MNAT1: variants seen among roughly 807,000 people sequenced by gnomAD.
The protein encoded by MNAT1 is MNAT1 component of CDK activating kinase, also known as CDK-activating kinase assembly factor MAT1.
MNAT1 carries 43 observed loss-of-function variants against 42.0 expected under a neutral mutation model. The ratio of observed to expected loss-of-function variants is 1.02; its 90% CI spans 0.80 to 1.32. The LOEUF (loss-of-function observed/expected upper bound fraction) is 1.32. Ranked by LOEUF, MNAT1 falls within the 40% of genes most tolerant of loss-of-function variation. MNAT1 has a pLI of 0.00. For missense variants in MNAT1, 306 were observed against 350.4 expected (o/e 0.87, Z 1.01); for synonymous variants, 118 against 120.0 (o/e 0.98, Z 0.11).
chr14:60,930,205 C>CTTTAT (rs1566563584), intron 7 of MNAT1, among the ~76,000 whole-genome samples: 1 of 76,914 alleles, frequency 1.3e-5, no homozygotes, highest in Non-Finnish European at 2.7e-5. Context: ...CTTCTTCCGT[C>CTTTAT]TTTATTATTA....
intron 7 of MNAT1, among the ~76,000 whole-genome samples, chr14:60,965,649 G>A (rs1353992524): frequency 6.6e-6 from 1 of 152,206 alleles, no homozygotes; most frequent in Non-Finnish European, 1.5e-5. Flanking sequence ...TTGTATTACA[G>A]CTATGAAAAC....
chr14:60,787,489 G>A (rs1230183252), intron 1 of MNAT1, among the ~76,000 whole-genome samples: 1 of 152,096 alleles, frequency 6.6e-6, no homozygotes, highest in Non-Finnish European at 1.5e-5. Context: ...TGAAGGTTGG[G>A]GTGGCCTTGG....
At position 60,855,148 on chromosome 14, in the gene MNAT1, C is replaced by T. The variant is rs184207300; in HGVS notation, c.688-24566C>T. Among the ~76,000 whole-genome samples the T allele has an allele frequency of 1.9e-4, 29 of 152,308 alleles. No individual in the cohort carries two copies. In the East Asian group the frequency reaches 5.2e-3, roughly 27 times the overall value. ...CCACCTACTAAAGCCACAGTAATGG[C>T]AGATACCTCTCCCCGCACCAAGCTC... On this transcript the variant is annotated intron_variant, in intron 6 of 7. Transcript: ENST00000261245.
chr14:60,757,034 C>A (rs1388589684), intron 1 of MNAT1, among the ~76,000 whole-genome samples: 1 of 152,158 alleles, frequency 6.6e-6, no homozygotes, highest in Non-Finnish European at 1.5e-5. Context: ...AAGTGACTGG[C>A]TCTCACATTT....
At chr14:60,945,487 T>C (rs2036253191) in intron 7 of MNAT1, among the ~76,000 whole-genome samples, 1 of 152,316 alleles carries the variant, frequency 6.6e-6, no homozygotes, top group Non-Finnish European at 1.5e-5. Context: ...AGTCTCAAAG[T>C]TGAATAAATC....
At chr14:60,853,805 A>G (rs904574068) in intron 6 of MNAT1, among the ~76,000 whole-genome samples, 5 of 152,260 alleles carry the variant, frequency 3.3e-5, no homozygotes, top group Non-Finnish European at 7.4e-5. Flanking sequence ...TGAGAAAATC[A>G]TGTGTTTTTT....
intron 7 of MNAT1, among the ~76,000 whole-genome samples, chr14:60,925,773 T>C (rs2035752893): frequency 6.6e-6 from 1 of 152,206 alleles, no homozygotes; most frequent in Admixed American, 6.5e-5. Flanking sequence ...CCTGGTTATG[T>C]TATCTTTCAT....
chr14:60,777,304 G>A (rs2031288231), intron 1 of MNAT1, among the ~76,000 whole-genome samples: 1 of 152,010 alleles, frequency 6.6e-6, no homozygotes, highest in South Asian at 2.1e-4. Flanking sequence ...TTTGTTTTTG[G>A]ATGGGTGCAG....
intron 1 of MNAT1, among the ~76,000 whole-genome samples, chr14:60,743,353 A>G (rs1190245366): frequency 1.3e-5 from 2 of 152,196 alleles, no homozygotes; most frequent in East Asian, 1.9e-4. Context: ...CAATGGCACA[A>G]TCTCGGCTCA....
In MNAT1 at chr14:60,871,862, ATC is replaced by A. The variant is rs558480023; in HGVS notation, c.688-7851_688-7850del. ...GGTCTTGAACTCCTGACCTCAGGTG[ATC>A]CACCCGCCTCGGCCTCCCAAAGTGC... is the stretch of plus-strand genomic sequence containing the variant. On this transcript the variant is annotated intron_variant, in intron 6 of 7. Coordinates refer to ENST00000261245, the MANE Select transcript of MNAT1 (RefSeq NM_002431.4). Among the ~76,000 whole-genome samples the A allele has an allele frequency of 1.7e-4, 26 of 152,156 alleles. No individual in the cohort carries two copies. In the East Asian group the frequency reaches 4.4e-3, roughly 26 times the overall value.
In MNAT1 at chr14:60,885,806, G is replaced by A. The variant is rs187740027; in HGVS notation, c.809+5971G>A. On this transcript the variant is annotated intron_variant, in intron 7 of 7. Coordinates refer to ENST00000261245, the MANE Select transcript of MNAT1 (RefSeq NM_002431.4). The stretch of plus-strand genomic sequence containing the variant: ...ATTTGTTTATTTTCAGTTTTGTTGC[G>A]TATTTGGTGTCTTATCCAGAAAACC... 2.2e-4 allele frequency among the ~76,000 whole-genome samples: 34 copies of A among 151,952 alleles called. 1 individual carries two copies. The highest frequency in any genetic ancestry group is 7.5e-4 in the African/African-American group (31 of 41,494).
intron 1 of MNAT1, chr14:60,780,417 T>A (rs2031415149): frequency 1.3e-6 from 2 of 1,568,634 alleles, no homozygotes; most frequent in South Asian, 2.2e-5. Context: ...CTGTTGGAAG[T>A]TTCTTGTTCA....
intron 6 of MNAT1, among the ~76,000 whole-genome samples, chr14:60,868,746 T>C (rs1006709387): frequency 6.6e-6 from 1 of 152,094 alleles, no homozygotes; most frequent in African/African-American, 2.4e-5. Context: ...TTAAAATAAC[T>C]ACTAAGATGT....
At chr14:60,907,843 C>T (rs1318725302) in intron 7 of MNAT1, among the ~76,000 whole-genome samples, 2 of 139,122 alleles carry the variant, frequency 1.4e-5, no homozygotes, top group Non-Finnish European at 3.1e-5. Flanking sequence ...AAGATTGCAA[C>T]AGTATTGCAC....
At chr14:60,816,225 C>T (rs1257625632) in intron 5 of MNAT1, among the ~76,000 whole-genome samples, 10 of 151,934 alleles carry the variant, frequency 6.6e-5, no homozygotes, top group Admixed American at 1.3e-4. Context: ...CTGTATGTGA[C>T]GGGATTTTAA....
intron 7 of MNAT1, among the ~76,000 whole-genome samples, chr14:60,908,216 G>T: frequency 6.6e-6 from 1 of 152,156 alleles, no homozygotes; most frequent in African/African-American, 2.4e-5. Context: ...ATGATATAAA[G>T]ATTATTTTAC....
chr14:60,797,750 G>A (rs1043380937), intron 2 of MNAT1, among the ~76,000 whole-genome samples: 3 of 151,918 alleles, frequency 2.0e-5, no homozygotes, highest in African/African-American at 4.8e-5. Context: ...ACATGGTGAA[G>A]TCCCATCTCT....
chr14:60,896,852 T>A (rs940572454), intron 7 of MNAT1, among the ~76,000 whole-genome samples: 7 of 152,106 alleles, frequency 4.6e-5, no homozygotes, highest in African/African-American at 1.7e-4. Flanking sequence ...TGTGAATGAT[T>A]ATGGAAATAA....
At chr14:60,779,929 A>G in intron 1 of MNAT1, 2 of 1,210,078 alleles carry the variant, frequency 1.7e-6, no homozygotes, top group South Asian at 2.5e-5. Context: ...CTGTCCGTGT[A>G]GTGAAAGCGC....
Sources: gnomAD v4.1 joint callset for allele counts (sites outside exome capture counted in the v4.1 genomes callset) on GRCh38, gnomAD v4.1.1 for gene constraint, MANE v1.5 for transcripts, NCBI Gene and HGNC (gene_info 2026-07-23, HGNC 2026-07-21) for gene names.